CAB39L: variants seen among roughly 807,000 people sequenced by gnomAD.
The protein encoded by CAB39L is calcium binding protein 39 like, also known as calcium-binding protein 39-like.
Under a neutral mutation model 39.1 loss-of-function variants are expected in CAB39L, and 23 were observed. The ratio of observed to expected loss-of-function variants is 0.59; its 90% confidence interval spans 0.42 to 0.83. The LOEUF is 0.83. Ranked by LOEUF, CAB39L falls within the 40% of genes least tolerant of loss-of-function variation. CAB39L has a pLI of 0.00. For synonymous variants in CAB39L, 126 were observed against 137.2 expected (o/e 0.92, Z 0.57); for missense variants, 366 against 391.9 (o/e 0.93, Z 0.56).
Position 49,339,758 on chromosome 13 carries a change from T to C in CAB39L, c.625-16A>G, listed in dbSNP as rs200103668. 728 of 1,561,220 alleles carry C rather than the reference T, an allele frequency of 4.7e-4. 2 individuals are homozygous for C. The highest frequency in any genetic ancestry group is 2.7e-3 in the Admixed American group (140 of 52,004). On this transcript the variant is annotated splice_polypyrimidine_tract_variant and intron_variant, in intron 8 of 10. Coordinates refer to ENST00000409308, the MANE Select transcript of CAB39L (RefSeq NM_001079670.3). ...CTTCAAAAATCTAATGAAAAGAAAA[T>C]ACACATTAGAGTGTAAAAGCAGCAG...
chr13:49,346,100 G>GATAGATATATATATATATAT (rs1955155415), intron 7 of CAB39L, among the ~76,000 whole-genome samples: 4 of 30,946 alleles, frequency 1.3e-4, no homozygotes, highest in Admixed American at 4.6e-4. Flanking sequence ...ATATATGCTA[G>GATAGATATATATATATATAT]ATATATATAT....
At chr13:49,438,392 T>C (rs1957452011) in intron 1 of CAB39L, among the ~76,000 whole-genome samples, 1 of 152,220 alleles carries the variant, frequency 6.6e-6, no homozygotes, top group Non-Finnish European at 1.5e-5. Context: ...ACACAAAATA[T>C]ATTTGATTTG....
chr13:49,312,537 C>A (rs1454969553), intron 10 of CAB39L, among the ~76,000 whole-genome samples: 1 of 152,208 alleles, frequency 6.6e-6, no homozygotes, highest in African/African-American at 2.4e-5. Flanking sequence ...ATAGCCCACA[C>A]TATATAGCCT....
At chr13:49,348,319 C>T (rs888273426) in intron 7 of CAB39L, among the ~76,000 whole-genome samples, 1 of 152,206 alleles carries the variant, frequency 6.6e-6, no homozygotes, top group Non-Finnish European at 1.5e-5. Flanking sequence ...GTAATCCTGG[C>T]ACTTTGCAGG....
intron 8 of CAB39L, among the ~76,000 whole-genome samples, chr13:49,341,110 G>C (rs1217370892): frequency 2.6e-5 from 4 of 152,100 alleles, no homozygotes; most frequent in Non-Finnish European, 5.9e-5. Context: ...CGTTATCTTA[G>C]CCTTTTAAAA....
chr13:49,331,574 C>T (rs976534455), intron 10 of CAB39L, among the ~76,000 whole-genome samples: 1 of 152,074 alleles, frequency 6.6e-6, no homozygotes, highest in African/African-American at 2.4e-5. Flanking sequence ...GTGAGTAGTA[C>T]CCGACTGTGT....
intron 3 of CAB39L, among the ~76,000 whole-genome samples, chr13:49,402,623 ATCTC>A (rs1383663306): frequency 1.3e-5 from 2 of 152,176 alleles, no homozygotes; most frequent in Non-Finnish European, 2.9e-5. Flanking sequence ...CAGAATTAAA[ATCTC>A]TCTAAGAATA....
At chr13:49,417,576 C>T (rs1373277492) in intron 3 of CAB39L, among the ~76,000 whole-genome samples, 1 of 131,592 alleles carries the variant, frequency 7.6e-6, no homozygotes, top group African/African-American at 2.9e-5. Flanking sequence ...CTAAATTGGA[C>T]TCAGGCACCT....
intron 5 of CAB39L, among the ~76,000 whole-genome samples, chr13:49,362,750 TTA>T (rs1955670298): frequency 6.6e-6 from 1 of 151,644 alleles, no homozygotes; most frequent in South Asian, 2.1e-4. Flanking sequence ...TATAAGAAGG[TTA>T]TAGAACACCA....
intron 3 of CAB39L, among the ~76,000 whole-genome samples, chr13:49,409,890 T>C (rs570338967): frequency 8.9e-5 from 13 of 146,366 alleles, no homozygotes; most frequent in Non-Finnish European, 1.8e-4. Flanking sequence ...CTGGGCAACA[T>C]AGGGAGACCC....
At chr13:49,348,131 C>G (rs1420800076) in intron 7 of CAB39L, among the ~76,000 whole-genome samples, 1 of 152,104 alleles carries the variant, frequency 6.6e-6, no homozygotes, top group Non-Finnish European at 1.5e-5. Context: ...TCCCTTCAAA[C>G]CCGGACGCTA....
At chr13:49,408,445 A>C (rs1467314788) in intron 3 of CAB39L, among the ~76,000 whole-genome samples, 1 of 152,196 alleles carries the variant, frequency 6.6e-6, no homozygotes, top group Non-Finnish European at 1.5e-5. Context: ...GGAGCAATAT[A>C]TCTGGGGGTC....
At chr13:49,363,430 T>C (rs992756953) in intron 5 of CAB39L, among the ~76,000 whole-genome samples, 1 of 152,082 alleles carries the variant, frequency 6.6e-6, no homozygotes, top group Non-Finnish European at 1.5e-5. Context: ...TGTCATCAAT[T>C]TAAAACAATG....
At chr13:49,397,251 C>A (rs1956660448) in intron 3 of CAB39L, among the ~76,000 whole-genome samples, 1 of 152,134 alleles carries the variant, frequency 6.6e-6, no homozygotes, top group African/African-American at 2.4e-5. Context: ...GTATAAATAA[C>A]AACTTTCACT....
At chr13:49,391,799 C>T (rs1188971979) in intron 3 of CAB39L, among the ~76,000 whole-genome samples, 1 of 151,678 alleles carries the variant, frequency 6.6e-6, no homozygotes, top group Non-Finnish European at 1.5e-5. Context: ...CAGCAAAAAT[C>T]AGGAATGAAA....
intron 3 of CAB39L, among the ~76,000 whole-genome samples, chr13:49,387,341 A>G (rs1366131424): frequency 6.6e-6 from 1 of 152,210 alleles, no homozygotes; most frequent in African/African-American, 2.4e-5. Flanking sequence ...ATTTTTCCAT[A>G]AAGTCTACCT....
chr13:49,316,694 A>G (rs1334217333), intron 10 of CAB39L, among the ~76,000 whole-genome samples: 1 of 152,262 alleles, frequency 6.6e-6, no homozygotes, highest in Non-Finnish European at 1.5e-5. Flanking sequence ...AATGTAACAC[A>G]TCACATGTAC....
At chr13:49,432,042 T>C (rs1047682997) in intron 3 of CAB39L, among the ~76,000 whole-genome samples, 11 of 152,176 alleles carry the variant, frequency 7.2e-5, no homozygotes, top group South Asian at 2.1e-4. Flanking sequence ...AAAACGAGTA[T>C]TTATTTCTTG....
intron 3 of CAB39L, among the ~76,000 whole-genome samples, chr13:49,396,998 T>C (rs1956651417): frequency 6.6e-6 from 1 of 152,036 alleles, no homozygotes; most frequent in Admixed American, 6.6e-5. Flanking sequence ...CCAAGAAGAC[T>C]CTCCCCCAAA....
Sources: allele counts gnomAD v4.1 joint callset (sites outside exome capture counted in the v4.1 genomes callset), GRCh38; gene constraint gnomAD v4.1.1; transcripts MANE v1.5; gene names NCBI Gene and HGNC (gene_info 2026-07-23, HGNC 2026-07-21).